CSMD1: variants seen among roughly 807,000 people sequenced by gnomAD.
The protein encoded by CSMD1 is CUB and Sushi multiple domains 1.
In CSMD1, 213 loss-of-function variants were observed where a neutral mutation model predicts 417.5. The ratio of observed to expected loss-of-function variants is 0.51; its 90% CI spans 0.46 to 0.57. CSMD1 has a LOEUF of 0.57. Among genes scored for constraint, CSMD1 ranks in the 20% least tolerant of loss-of-function variants. The probability of loss-of-function intolerance (pLI) is 0.00; values close to 1 mark genes in which losing one functional copy is unlikely to be tolerated. For missense variants in CSMD1, 6,923 were observed against 4,529.7 expected (o/e 1.53, Z -15.17); for synonymous variants, 2,862 against 1,736.8 (o/e 1.65, Z -16.11).
chr8:4,627,718 A>G (rs913610960), intron 2 of CSMD1, among the ~76,000 whole-genome samples: 11 of 152,254 alleles, frequency 7.2e-5, no homozygotes, highest in Non-Finnish European at 1.5e-4. Flanking sequence ...CGCCAAAAAA[A>G]TAACAGTTGC....
intron 3 of CSMD1, among the ~76,000 whole-genome samples, chr8:4,286,173 G>C (rs1320027386): frequency 2.6e-5 from 4 of 151,916 alleles, no homozygotes; most frequent in Non-Finnish European, 5.9e-5. Context: ...CAAAAGTCAA[G>C]AGGAGCTCCA....
At chr8:4,636,192 A>C in intron 2 of CSMD1, among the ~76,000 whole-genome samples, 1 of 152,236 alleles carries the variant, frequency 6.6e-6, no homozygotes, top group East Asian at 1.9e-4. Flanking sequence ...TAATCTATAT[A>C]AGTTAATTTT....
intron 2 of CSMD1, among the ~76,000 whole-genome samples, chr8:4,625,934 G>T (rs1023651520): frequency 6.6e-6 from 1 of 152,102 alleles, no homozygotes; most frequent in African/African-American, 2.4e-5. Flanking sequence ...ATGTTGGCCA[G>T]GCTGGTCTCG....
chr8:4,238,575 T>C, intron 3 of CSMD1, among the ~76,000 whole-genome samples: 1 of 152,200 alleles, frequency 6.6e-6, no homozygotes, highest in East Asian at 1.9e-4. Flanking sequence ...AATGTGTCCA[T>C]ATTACTTAAC....
intron 3 of CSMD1, among the ~76,000 whole-genome samples, chr8:4,387,052 A>G (rs930327732): frequency 3.9e-5 from 6 of 152,206 alleles, no homozygotes; most frequent in African/African-American, 1.4e-4. Flanking sequence ...ATCCAGATTA[A>G]AAAACATAAA....
chr8:3,838,429 G>T (rs78947524), intron 5 of CSMD1, among the ~76,000 whole-genome samples: 53,961 of 148,450 alleles, frequency 0.36, 10,489 homozygotes, highest in African/African-American at 0.5. Flanking sequence ...ATATATAGAG[G>T]GAGTGTAAGA....
chr8:4,426,843 G>T (rs1219031223), intron 2 of CSMD1, among the ~76,000 whole-genome samples: 3 of 150,988 alleles, frequency 2.0e-5, no homozygotes, highest in Admixed American at 6.6e-5. Context: ...ACTATATTAT[G>T]TACTATATTA....
chr8:4,180,565 C>G (rs1034114610), intron 3 of CSMD1, among the ~76,000 whole-genome samples: 2 of 151,616 alleles, frequency 1.3e-5, no homozygotes, highest in African/African-American at 4.9e-5. Context: ...TACCCTAAAA[C>G]TTAAAGTATA....
At chr8:4,813,358 T>A (rs1043695308) in intron 1 of CSMD1, among the ~76,000 whole-genome samples, 8 of 152,072 alleles carry the variant, frequency 5.3e-5, no homozygotes, top group Admixed American at 4.6e-4. Context: ...AAAAAAAAAA[T>A]TAATAGAACA....
chr8:4,116,961 C>T (rs1802189344), intron 3 of CSMD1, among the ~76,000 whole-genome samples: 1 of 152,034 alleles, frequency 6.6e-6, no homozygotes, highest in East Asian at 1.9e-4. Context: ...GAGAATCAGG[C>T]TGGTAAGAGG....
chr8:3,192,031 C>T (rs1267867321), intron 33 of CSMD1, among the ~76,000 whole-genome samples: 7 of 152,208 alleles, frequency 4.6e-5, no homozygotes, highest in South Asian at 2.1e-4. Flanking sequence ...ATCAGACCAA[C>T]GACAGACATT....
At chr8:3,571,684 C>T (rs1202848387) in intron 10 of CSMD1, among the ~76,000 whole-genome samples, 3 of 152,010 alleles carry the variant, frequency 2.0e-5, no homozygotes, top group African/African-American at 7.3e-5. Context: ...CTGTGTTCCT[C>T]CCTCCCCATG....
chr8:4,863,050 G>A (rs1407639005), intron 1 of CSMD1, among the ~76,000 whole-genome samples: 1 of 152,074 alleles, frequency 6.6e-6, no homozygotes, highest in East Asian at 1.9e-4. Flanking sequence ...TTGACAATGT[G>A]AGGTCCCTGG....
intron 1 of CSMD1, among the ~76,000 whole-genome samples, chr8:4,721,099 G>A (rs1224639813): frequency 6.6e-6 from 1 of 152,158 alleles, no homozygotes; most frequent in African/African-American, 2.4e-5. Flanking sequence ...GAGGAAGTAT[G>A]AAAAAGGCTT....
chr8:3,622,996 G>C (rs185466417), intron 7 of CSMD1, among the ~76,000 whole-genome samples: 2 of 152,222 alleles, frequency 1.3e-5, no homozygotes, highest in African/African-American at 2.4e-5. Flanking sequence ...ACATGACATA[G>C]ATAGTAATAA....
intron 10 of CSMD1, among the ~76,000 whole-genome samples, chr8:3,544,504 T>C (rs766572267): frequency 6.6e-6 from 1 of 152,118 alleles, no homozygotes; most frequent in East Asian, 1.9e-4. Context: ...ACGTTCTGAA[T>C]AAACTTGCCT....
chr8:4,470,720 G>C (rs1316572754), intron 2 of CSMD1, among the ~76,000 whole-genome samples: 2 of 152,108 alleles, frequency 1.3e-5, no homozygotes, highest in African/African-American at 2.4e-5. Flanking sequence ...AAAGAAGAAA[G>C]GTAAAATGAA....
chr8:4,290,380 G>C (rs1228133310), intron 3 of CSMD1, among the ~76,000 whole-genome samples: 1 of 152,196 alleles, frequency 6.6e-6, no homozygotes, highest in African/African-American at 2.4e-5. Flanking sequence ...GAAGCCCAAA[G>C]ACGTAGGAAG....
chr8:4,454,508 G>A (rs1799351958), intron 2 of CSMD1, among the ~76,000 whole-genome samples: 2 of 152,104 alleles, frequency 1.3e-5, no homozygotes, highest in African/African-American at 4.8e-5. Flanking sequence ...ACAATCCTTG[G>A]AAGCAAAGAA....
Sources: allele counts gnomAD v4.1 joint callset (sites outside exome capture counted in the v4.1 genomes callset), GRCh38; gene constraint gnomAD v4.1.1; transcripts MANE v1.5; gene names NCBI Gene and HGNC (gene_info 2026-07-23, HGNC 2026-07-21).